The following LYST variants were observed in gnomAD, a reference collection of about 807,000 sequenced individuals.
LYST encodes lysosomal-trafficking regulator.
Under a neutral mutation model 413.6 loss-of-function variants are expected in LYST, and 192 were observed. That is an observed-to-expected ratio of 0.46 (90% CI 0.41 to 0.52). The LOEUF is 0.52. Ranked by LOEUF, LYST falls within the 20% of genes least tolerant of loss-of-function variation. The probability of loss-of-function intolerance (pLI) is 0.00; values close to 1 mark genes in which losing one functional copy is unlikely to be tolerated. For missense variants in LYST, 3,815 were observed against 4,499.9 expected, an observed-to-expected ratio of 0.85 and a Z score of 4.35; for synonymous variants, 1,525 against 1,567.3, an observed-to-expected ratio of 0.97 and a Z score of 0.64.
chr1:235,735,639 A>G (rs963659130), intron 31 of LYST: 1 of 152,182 alleles, frequency 6.6e-6, no homozygotes, highest in Non-Finnish European at 1.5e-5. Flanking sequence ...CATTGACACA[A>G]ATATCACTGT....
chr1:235,856,166 A>G (rs1166800319), intron 1 of LYST, among the ~76,000 whole-genome samples: 2 of 152,184 alleles, frequency 1.3e-5, no homozygotes, highest in African/African-American at 4.8e-5. Context: ...TGTGGTCTAA[A>G]TGTAGACTTG....
At chr1:235,847,697 G>A (rs1453852466) in intron 1 of LYST, among the ~76,000 whole-genome samples, 1 of 152,118 alleles carries the variant, frequency 6.6e-6, no homozygotes, top group African/African-American at 2.4e-5. Flanking sequence ...AAAGGGGTGG[G>A]AAAAGGCATT....
intron 48 of LYST, among the ~76,000 whole-genome samples, chr1:235,682,078 A>C (rs1227023879): frequency 6.6e-6 from 1 of 152,184 alleles, no homozygotes; most frequent in African/African-American, 2.4e-5. Context: ...TGGGAGGCTG[A>C]GGCAGGAGGA....
At chr1:235,707,286 AT>A (rs527984393) in intron 44 of LYST, among the ~76,000 whole-genome samples, 6 of 150,778 alleles carry the variant, frequency 4.0e-5, no homozygotes, top group African/African-American at 9.8e-5. Context: ...AAGAGGTAAG[AT>A]TTTTTTTTTC....
intron 1 of LYST, among the ~76,000 whole-genome samples, chr1:235,876,871 C>T (rs1030211209): frequency 2.6e-5 from 4 of 152,152 alleles, no homozygotes; most frequent in Admixed American, 6.5e-5. Context: ...ACGAGTTATA[C>T]GGGTCCTGGT....
At position 235,755,432 on chromosome 1, in the gene LYST, A is replaced by AG. The variant is rs397983337; in HGVS notation, c.7229+45_7229+46insC. On this transcript the variant is annotated intron_variant, in intron 25 of 52. Coordinates refer to ENST00000389793, the MANE Select transcript of LYST (RefSeq NM_000081.4). Reference sequence around the variant, plus strand: ...AGAAAAGAAAAGAAAAGAAAAGAAAAAAGACAAAAGATTCCCAATTATAGT... The same window carrying AG: ...AGAAAAGAAAAGAAAAGAAAAGAAAAGAAGACAAAAGATTCCCAATTATAGT... 1.0e-5 allele frequency: 15 copies of AG among 1,445,528 alleles called. No individual in the cohort carries two copies. The Middle Eastern group carries it at 1.6e-3, about 150-fold the overall frequency. The allele number at this position is 1,445,528 out of a possible 1,614,324, so 89.5% of individuals were successfully genotyped here.
chr1:235,866,909 TGCC>T, upstream of LYST: 5 of 153,210 alleles, frequency 3.3e-5, no homozygotes, highest in East Asian at 1.9e-4. Context: ...CCGACGCCGC[TGCC>T]GCCGCCGCCG....
Position 235,782,043 on chromosome 1 carries a change from C to T in LYST, c.4907G>A (p.Ser1636Asn). 2 of 1,612,822 alleles carry T rather than the reference C, an allele frequency of 1.2e-6. No homozygotes were observed. The highest frequency in any genetic ancestry group is 1.7e-6 in the Non-Finnish European group (2 of 1,178,924). The change falls in exon 15 of 53, where the codon AGT becomes AAT. Residue 1636 changes from serine (S) to asparagine (N), a missense_variant. Coordinates refer to ENST00000389793, the MANE Select transcript of LYST (RefSeq NM_000081.4). ...TGTTTTATTGCTATCAGATGACAAA[C>T]TTGTTTTTCTTGGAAGCATAAAATC... ...TLDFMLPRKT[S>N]LSSDSNKTFC...
chr1:235,672,482 G>A (rs1659024825), intron 50 of LYST, among the ~76,000 whole-genome samples: 1 of 152,154 alleles, frequency 6.6e-6, no homozygotes, highest in Admixed American at 6.6e-5. Context: ...TCACAAAAGG[G>A]AGGTAGTATT....
chr1:235,668,303 G>T (rs889111012), intron 50 of LYST, among the ~76,000 whole-genome samples: 1 of 151,886 alleles, frequency 6.6e-6, no homozygotes, highest in African/African-American at 2.4e-5. Flanking sequence ...TTCCTTCTTG[G>T]CCTACAAGAA....
At chr1:235,837,550 C>A (rs573999150) in intron 1 of LYST, among the ~76,000 whole-genome samples, 1 of 151,428 alleles carries the variant, frequency 6.6e-6, no homozygotes, top group African/African-American at 2.4e-5. Context: ...CTGCTTGAAC[C>A]TGAAAGGGGG....
chr1:235,865,975 T>A (rs1259012348), intron 1 of LYST, among the ~76,000 whole-genome samples: 2 of 152,196 alleles, frequency 1.3e-5, no homozygotes, highest in Non-Finnish European at 2.9e-5. Flanking sequence ...CCATTAACTA[T>A]CAAGTGCCGT....
intron 39 of LYST, among the ~76,000 whole-genome samples, chr1:235,723,390 G>A (rs1663566613): frequency 6.6e-6 from 1 of 152,146 alleles, no homozygotes; most frequent in Non-Finnish European, 1.5e-5. Flanking sequence ...GATGAGAAGA[G>A]AAGAGGTCTG....
At chr1:235,669,277 G>A (rs529793934) in intron 50 of LYST, among the ~76,000 whole-genome samples, 70 of 152,334 alleles carry the variant, frequency 4.6e-4, no homozygotes, top group African/African-American at 1.7e-3. Context: ...CCACCTCCTG[G>A]TGAGGCAGGA....
chr1:235,870,293 G>T (rs1458799402), upstream of LYST, among the ~76,000 whole-genome samples: 2 of 152,164 alleles, frequency 1.3e-5, no homozygotes, highest in Non-Finnish European at 2.9e-5. Flanking sequence ...ACAAATGAAG[G>T]TGTAAACAGG....
chr1:235,770,199 T>A lies in LYST; in HGVS notation c.5883A>T (p.Gln1961His). ...MFNIKQLLKA[Q>H]VVHHFLLTCQ... ...AAGTCAGTAGAAAGTGATGAACCAC[T>A]TGAGCTTTCAATAACTGCTTAATAT... The change falls in exon 20 of 53, where the codon CAA becomes CAT. Residue 1961 changes from glutamine to histidine, a missense_variant. Around this residue, in one of 4 missense-constraint regions of LYST, gnomAD observed 530 missense variants for 696.5 expected, o/e 0.76. Transcript: ENST00000389793. 6.2e-7 allele frequency: 1 copy of A among 1,613,748 alleles called. No individual in the cohort carries two copies. Among genetic ancestry groups the A allele is most frequent in the African/African-American group, 1.3e-5 (1 of 75,036 alleles).
At chr1:235,765,128 T>C (rs1471875821) in intron 21 of LYST, among the ~76,000 whole-genome samples, 1 of 152,196 alleles carries the variant, frequency 6.6e-6, no homozygotes, top group African/African-American at 2.4e-5. Context: ...TCCTTCTTCA[T>C]GCTGTAACCC....
At chr1:235,802,777 A>G (rs1157327115) in intron 8 of LYST, 131 bp downstream of exon 8, 2 of 817,138 alleles carry the variant, frequency 2.4e-6, no homozygotes, top group African/African-American at 3.4e-5. Flanking sequence ...AAGATCAATA[A>G]AAAGATTATG....
intron 34 of LYST, 136 bp downstream of exon 34, chr1:235,733,367 A>G (rs986017215): frequency 1.2e-5 from 9 of 758,444 alleles, no homozygotes; most frequent in African/African-American, 5.3e-5. Flanking sequence ...GATGAAAAAA[A>G]CATCACAAAT....
Sources: gnomAD v4.1 joint callset for allele counts (sites outside exome capture counted in the v4.1 genomes callset) on GRCh38, gnomAD v4.1.1 for gene constraint, gnomAD v4.1.1 regional missense constraint, MANE v1.5 for transcripts, NCBI Gene and HGNC (gene_info 2026-07-23, HGNC 2026-07-21) for gene names.